Variants in SV2C observed in about 807,000 individuals in gnomAD.
SV2C encodes the protein solute carrier family 22 member B3.
A neutral mutation model predicts 79.7 loss-of-function variants in SV2C; 49 were observed. The observed-to-expected ratio is 0.61, with a 90% confidence interval of 0.49 to 0.78. The LOEUF (loss-of-function observed/expected upper bound fraction) is 0.78, where lower values mean the gene tolerates loss of function less well. Ranked by LOEUF, SV2C falls within the 30% of genes least tolerant of loss-of-function variation. The pLI is 0.00. For missense variants in SV2C, 833 were observed against 912.9 expected (o/e 0.91, Z 1.13); for synonymous variants, 334 against 333.2 (o/e 1.00, Z -0.03).
At chr5:75,935,512 G>A in the SV2C span, among the ~76,000 whole-genome samples, 1 of 151,850 alleles carries the variant, frequency 6.6e-6, no homozygotes, top group African/African-American at 2.4e-5. Flanking sequence ...GTATAAAATT[G>A]AAAATAACCA....
intron 4 of SV2C, among the ~76,000 whole-genome samples, chr5:76,272,107 G>C (rs1746887456): frequency 6.6e-6 from 1 of 152,116 alleles, no homozygotes. Flanking sequence ...CAAGAAATGG[G>C]GCTAGGAAAA....
intron 4 of SV2C, among the ~76,000 whole-genome samples, chr5:76,269,527 T>C (rs2112470453): frequency 6.6e-6 from 1 of 152,316 alleles, no homozygotes; most frequent in East Asian, 1.9e-4. Context: ...ATTATAAATA[T>C]TCAAGGTATC....
At chr5:76,271,683 A>G (rs1746871368) in intron 4 of SV2C, among the ~76,000 whole-genome samples, 1 of 126,074 alleles carries the variant, frequency 7.9e-6, no homozygotes, top group Non-Finnish European at 1.5e-5. Flanking sequence ...TGGTCAGGCT[A>G]GTCTCGAACT....
At chr5:75,947,924 A>G in the SV2C span, among the ~76,000 whole-genome samples, 3 of 151,866 alleles carry the variant, frequency 2.0e-5, no homozygotes, top group Non-Finnish European at 4.4e-5. Context: ...AGGAAGTCTT[A>G]TTCTACTCCA....
chr5:75,905,478 G>C, the SV2C span, among the ~76,000 whole-genome samples: 1 of 152,198 alleles, frequency 6.6e-6, no homozygotes, highest in African/African-American at 2.4e-5. Context: ...TGGCTTTGGT[G>C]GTGTATTGCT....
chr5:76,126,132 G>A (rs59043829), intron 1 of SV2C, among the ~76,000 whole-genome samples: 3 of 152,126 alleles, frequency 2.0e-5, no homozygotes, highest in Non-Finnish European at 4.4e-5. Context: ...AAGTTACACT[G>A]TAATAGGGAA....
chr5:76,153,017 T>C (rs563592668), intron 2 of SV2C, among the ~76,000 whole-genome samples: 3 of 152,294 alleles, frequency 2.0e-5, no homozygotes, highest in South Asian at 2.1e-4. Flanking sequence ...TGGCACACCC[T>C]GGATGGATCA....
chr5:76,088,841 A>C (rs189905747), intron 1 of SV2C, among the ~76,000 whole-genome samples: 243 of 152,084 alleles, frequency 1.6e-3, no homozygotes, highest in African/African-American at 5.7e-3. Context: ...GTCCCCCTTC[A>C]CTAATCTACA....
chr5:76,212,542 C>T (rs761096240), intron 4 of SV2C, among the ~76,000 whole-genome samples: 1 of 151,740 alleles, frequency 6.6e-6, no homozygotes, highest in Admixed American at 6.6e-5. Context: ...CTGATGAGAG[C>T]CTTGCTCCTT....
intron 3 of SV2C, among the ~76,000 whole-genome samples, chr5:76,204,934 T>C (rs1172828254): frequency 6.6e-6 from 1 of 152,270 alleles, no homozygotes; most frequent in Non-Finnish European, 1.5e-5. Flanking sequence ...TGGCATACTC[T>C]GTCATCCTGT....
intron 2 of SV2C, among the ~76,000 whole-genome samples, chr5:76,147,740 A>G (rs550732900): frequency 6.6e-6 from 1 of 152,290 alleles, no homozygotes; most frequent in East Asian, 1.9e-4. Context: ...GACTTCATTT[A>G]TGTAACTTTT....
rs1423134717 is a variant in SV2C at position 76,301,463 on chromosome 5, C to T, written c.1918C>T (p.Leu640=). The change falls in exon 12 of 13, where the codon CTG becomes TTG. Residue 640 remains leucine (L), a synonymous_variant. Transcript: ENST00000502798. ...CAGTGAATCCATGATGATAGGCATG[C>T]TGTGTCTGTACAATGGATTGACCAT... ...GTSESMMIGM[L]CLYNGLTISA... The T allele has an allele frequency of 6.2e-7, 1 of 1,613,974 alleles. No individual in the cohort carries two copies.
chr5:75,855,191 A>G, the SV2C span, among the ~76,000 whole-genome samples: 1 of 152,208 alleles, frequency 6.6e-6, no homozygotes, highest in African/African-American at 2.4e-5. Flanking sequence ...ATCTATAGGT[A>G]GATGTGATTT....
At chr5:76,321,678 C>A (rs1748834459) in intron 12 of SV2C, among the ~76,000 whole-genome samples, 1 of 150,788 alleles carries the variant, frequency 6.6e-6, no homozygotes, top group Non-Finnish European at 1.5e-5. Flanking sequence ...TAGATCGAGG[C>A]TGCAGTGAGC....
chr5:76,053,241 T>C, the SV2C span, among the ~76,000 whole-genome samples: 1 of 152,176 alleles, frequency 6.6e-6, no homozygotes, highest in Non-Finnish European at 1.5e-5. Flanking sequence ...TCTTTTCAGC[T>C]CAGCACTTCA....
intron 2 of SV2C, among the ~76,000 whole-genome samples, chr5:76,182,573 C>G (rs978230743): frequency 6.6e-6 from 1 of 152,114 alleles, no homozygotes; most frequent in East Asian, 1.9e-4. Context: ...CGAGGTGCCT[C>G]GGGCGTAAGA....
At chr5:75,953,197 C>A in the SV2C span, among the ~76,000 whole-genome samples, 1 of 151,886 alleles carries the variant, frequency 6.6e-6, no homozygotes, top group African/African-American at 2.4e-5. Context: ...CTCTTTTTAA[C>A]AATCAGCTCT....
chr5:76,270,596 A>G (rs1028950033), intron 4 of SV2C, among the ~76,000 whole-genome samples: 11 of 152,180 alleles, frequency 7.2e-5, no homozygotes, highest in Non-Finnish European at 1.2e-4. Flanking sequence ...AATGGCAGCT[A>G]TGACACTACA....
At chr5:76,140,915 T>G (rs1749230587) in intron 2 of SV2C, among the ~76,000 whole-genome samples, 1 of 152,244 alleles carries the variant, frequency 6.6e-6, no homozygotes, top group African/African-American at 2.4e-5. Flanking sequence ...GGCATCACAG[T>G]GATCCTAATT....
Sources: allele counts gnomAD v4.1 joint callset (sites outside exome capture counted in the v4.1 genomes callset), GRCh38; gene constraint gnomAD v4.1.1; transcripts MANE v1.5; gene names NCBI Gene and HGNC (gene_info 2026-07-23, HGNC 2026-07-21).